GPR39: variants seen among roughly 807,000 people sequenced by gnomAD.
The protein encoded by GPR39 is zinc sensing receptor.
GPR39 carries 23 observed loss-of-function variants against 18.4 expected under a neutral mutation model. The observed-to-expected ratio is 1.25, with a 90% CI of 0.90 to 1.77. The LOEUF is 1.77. GPR39 is among the 40% of genes most tolerant of loss of function. GPR39 has a pLI of 0.00. For synonymous variants in GPR39, 280 were observed against 257.9 expected, an observed-to-expected ratio of 1.09 and a Z score of -0.82; for missense variants, 647 against 602.4, an observed-to-expected ratio of 1.07 and a Z score of -0.78.
intron 1 of GPR39, among the ~76,000 whole-genome samples, chr2:132,634,093 T>TAGG (rs1469141879): frequency 4.0e-5 from 6 of 151,466 alleles, no homozygotes; most frequent in African/African-American, 1.5e-4. Context: ...GTGTTCGTGG[T>TAGG]GATGGAGGGT....
At chr2:132,610,806 A>AAG in intron 1 of GPR39, among the ~76,000 whole-genome samples, 1 of 150,992 alleles carries the variant, frequency 6.6e-6, no homozygotes, top group African/African-American at 2.4e-5. Context: ...AAAGAAGAAG[A>AAG]AATCTAGGAT....
rs370669379 is a variant in GPR39, at chr2:132,517,690, A to G, written c.856+99792A>G. Among the ~76,000 whole-genome samples the G allele has an allele frequency of 2.0e-3, 312 of 152,316 alleles. 1 individual carries two copies. The highest frequency in any genetic ancestry group is 6.6e-3 in the African/African-American group (275 of 41,568). On this transcript the variant is annotated intron_variant, in intron 1 of 1. Coordinates refer to ENST00000329321, the MANE Select transcript of GPR39 (RefSeq NM_001508.3). ...ATCGCCAAATTTGTGAACAGTTTTT[A>G]CCTATACAAAGTATTCAGTTTTATA...
chr2:132,454,220 G>T (rs766773296), intron 1 of GPR39, among the ~76,000 whole-genome samples: 9 of 152,060 alleles, frequency 5.9e-5, no homozygotes, highest in Non-Finnish European at 1.2e-4. Context: ...TGAATTCCTA[G>T]GTATTTTATT....
intron 1 of GPR39, among the ~76,000 whole-genome samples, chr2:132,446,017 G>C (rs889038923): frequency 1.3e-5 from 2 of 152,148 alleles, no homozygotes; most frequent in Non-Finnish European, 2.9e-5. Flanking sequence ...TTTGAGGAAG[G>C]GGGTGAAGTG....
chr2:132,582,219 T>C (rs1680636060), intron 1 of GPR39, among the ~76,000 whole-genome samples: 1 of 152,190 alleles, frequency 6.6e-6, no homozygotes, highest in Non-Finnish European at 1.5e-5. Context: ...CACCTCCATA[T>C]GCTTGCGGGG....
intron 1 of GPR39, among the ~76,000 whole-genome samples, chr2:132,524,697 C>T (rs1237584919): frequency 2.6e-5 from 4 of 152,146 alleles, no homozygotes; most frequent in Non-Finnish European, 5.9e-5. Flanking sequence ...CAAAGTCTAT[C>T]CTGAAACACC....
intron 1 of GPR39, among the ~76,000 whole-genome samples, chr2:132,437,110 A>G (rs541318665): frequency 6.6e-6 from 1 of 152,304 alleles, no homozygotes; most frequent in African/African-American, 2.4e-5. Flanking sequence ...AGCTTGCAGT[A>G]TTAACCACTG....
chr2:132,448,586 G>C (rs369611384), intron 1 of GPR39, among the ~76,000 whole-genome samples: 130 of 152,300 alleles, frequency 8.5e-4, no homozygotes, highest in African/African-American at 3.0e-3. Context: ...TGCCTGCAAT[G>C]ATGCAGTGAG....
intron 1 of GPR39, among the ~76,000 whole-genome samples, chr2:132,455,650 A>G (rs9753500): frequency 0.17 from 26,558 of 152,086 alleles, 2,847 homozygotes; most frequent in East Asian, 0.5. Context: ...ACACTGCTTT[A>G]AATGTGTCCC....
intron 1 of GPR39, among the ~76,000 whole-genome samples, chr2:132,560,296 C>T (rs1210921044): frequency 2.0e-5 from 3 of 152,144 alleles, no homozygotes; most frequent in African/African-American, 7.2e-5. Flanking sequence ...CACCTTTTGC[C>T]TTTCCCACCT....
At chr2:132,516,118 G>C (rs1573641502) in intron 1 of GPR39, among the ~76,000 whole-genome samples, 1 of 152,146 alleles carries the variant, frequency 6.6e-6, no homozygotes, top group Non-Finnish European at 1.5e-5. Context: ...GCCCGTGAAG[G>C]CTGATGTCTG....
chr2:132,434,067 C>T (rs963110339), intron 1 of GPR39, among the ~76,000 whole-genome samples: 2 of 151,940 alleles, frequency 1.3e-5, no homozygotes, highest in Non-Finnish European at 2.9e-5. Flanking sequence ...CAGATGAGTT[C>T]CTGTACACCA....
At chr2:132,634,177 T>C (rs911762051) in intron 1 of GPR39, among the ~76,000 whole-genome samples, 2 of 151,888 alleles carry the variant, frequency 1.3e-5, no homozygotes, top group Admixed American at 6.6e-5. Flanking sequence ...GTGGTAGTGG[T>C]GGTGGTACTG....
At position 132,629,683 on chromosome 2, in the gene GPR39, G is replaced by A. The variant is rs545235191; in HGVS notation, c.857-15418G>A. ...TCCTGGTCTAAAAGCCCAAGTTTCT[G>A]TGATTCGAATGTGTTGCTCATAGTT... On this transcript the variant is annotated intron_variant, in intron 1 of 1. Transcript: ENST00000329321. Among the ~76,000 whole-genome samples the A allele has an allele frequency of 2.0e-5, 3 of 152,336 alleles. No individual in the cohort carries two copies. In the South Asian group the frequency reaches 6.2e-4, roughly 32 times the overall value.
rs191276880 is a variant in GPR39, at chr2:132,614,309, C to T, written c.857-30792C>T. Among the ~76,000 whole-genome samples, 114 of 151,912 alleles carry T rather than the reference C, an allele frequency of 7.5e-4. 1 individual carries two copies. The East Asian group carries it at 0.018, about 25-fold the overall frequency. On this transcript the variant is annotated intron_variant, in intron 1 of 1. Coordinates refer to ENST00000329321, the MANE Select transcript of GPR39 (RefSeq NM_001508.3). The stretch of plus-strand genomic sequence containing the variant: ...GCAACCTCCATCTCCCGGGTTCAAG[C>T]GATTCTCCTGCCTCGGCCTCTCAAG...
rs1300944336 is a variant in GPR39, at chr2:132,646,295, C to T, written c.*689C>T. 4 of 1,441,898 alleles carry T rather than the reference C, an allele frequency of 2.8e-6. No individual in the cohort carries two copies. Among genetic ancestry groups the T allele is most frequent in the East Asian group, 2.6e-5 (1 of 39,010 alleles). The allele number at this position is 1,441,898 out of a possible 1,614,324, so 89.3% of individuals were successfully genotyped here. On this transcript the variant is annotated 3_prime_UTR_variant, in exon 2 of 2. Transcript: ENST00000329321. ...GTACATGATCCCTGTAACACAGACCCAAAGGAGCTGAGTTAACGTGCACCG... is the reference window on the plus strand; with the variant it reads ...GTACATGATCCCTGTAACACAGACCTAAAGGAGCTGAGTTAACGTGCACCG...
At chr2:132,548,949 G>A (rs999782345) in intron 1 of GPR39, among the ~76,000 whole-genome samples, 27 of 152,174 alleles carry the variant, frequency 1.8e-4, no homozygotes, top group African/African-American at 6.3e-4. Flanking sequence ...AATTGGCCAG[G>A]TTCCCCTGTG....
intron 1 of GPR39, among the ~76,000 whole-genome samples, chr2:132,457,316 A>AT (rs1680746595): frequency 2.0e-5 from 3 of 152,060 alleles, no homozygotes; most frequent in Non-Finnish European, 4.4e-5. Flanking sequence ...TCGTGCTATG[A>AT]TTTTCAGCTC....
intron 1 of GPR39, among the ~76,000 whole-genome samples, chr2:132,616,221 T>G (rs2104854993): frequency 6.6e-6 from 1 of 152,330 alleles, no homozygotes; most frequent in South Asian, 2.1e-4. Flanking sequence ...GGTTGGTTGG[T>G]ATCTCAGTTT....
Sources: allele counts gnomAD v4.1 joint callset (sites outside exome capture counted in the v4.1 genomes callset), GRCh38; gene constraint gnomAD v4.1.1; transcripts MANE v1.5; gene names NCBI Gene and HGNC (gene_info 2026-07-23, HGNC 2026-07-21).